Variants in BBX observed in about 807,000 individuals in gnomAD.
The protein encoded by BBX is HMG box transcription factor BBX.
In BBX, 30 loss-of-function variants were observed where a neutral mutation model predicts 100.2. That is an observed-to-expected ratio of 0.30 (90% CI 0.22 to 0.41). BBX has a LOEUF of 0.41. Ranked by LOEUF, BBX falls within the 10% of genes least tolerant of loss-of-function variation. The probability of loss-of-function intolerance (pLI) is 1.00; values close to 1 mark genes in which losing one functional copy is unlikely to be tolerated. For missense variants in BBX, 1,023 were observed against 1,129.8 expected, an observed-to-expected ratio of 0.91 and a Z score of 1.35; for synonymous variants, 376 against 388.1, an observed-to-expected ratio of 0.97 and a Z score of 0.37.
rs1576914512 is a variant in BBX, at chr3:107,808,571, T to C, written c.*3114T>C. On this transcript the variant is annotated 3_prime_UTR_variant, in exon 18 of 18. Coordinates refer to ENST00000325805, the MANE Select transcript of BBX (RefSeq NM_001142568.3). ...TTGAAGTGTGTAGAGTATATTATAG[T>C]AACTGAAGCTGCAGCTGTAAGAAGC... 1 of 152,194 alleles carries C rather than the reference T, an allele frequency of 6.6e-6. No homozygotes were observed. Among genetic ancestry groups the C allele is most frequent in the East Asian group, 1.9e-4 (1 of 5,200 alleles). The allele number at this position is 152,194 out of a possible 1,614,324, so 9.4% of individuals were successfully genotyped here. A position where few individuals can be genotyped will look rare whatever the true frequency, so the allele number is the denominator to read the frequency against.
chr3:107,661,929 G>A (rs562308319), intron 3 of BBX: 9 of 979,848 alleles, frequency 9.2e-6, no homozygotes, highest in Admixed American at 6.1e-5. Flanking sequence ...TACCAGAGGC[G>A]AATTGTTCCA....
chr3:107,759,749 C>G (rs2065749724), intron 10 of BBX, among the ~76,000 whole-genome samples: 1 of 152,146 alleles, frequency 6.6e-6, no homozygotes, highest in African/African-American at 2.4e-5. Flanking sequence ...GAACTAAAAC[C>G]TGTAAACCTT....
At chr3:107,767,234 C>T (rs1190538210) in intron 10 of BBX, among the ~76,000 whole-genome samples, 1 of 151,988 alleles carries the variant, frequency 6.6e-6, no homozygotes, top group East Asian at 1.9e-4. Context: ...GGCTCCTATG[C>T]CCCCTGCTTC....
rs148228256 is a variant in BBX, at chr3:107,602,947, T to TTTTTG, written c.-83-42858_-83-42854dup. Among the ~76,000 whole-genome samples the TTTTTG allele has an allele frequency of 3.8e-3, 579 of 151,578 alleles. 3 individuals are homozygous for TTTTTG. Among genetic ancestry groups the TTTTTG allele is most frequent in the Middle Eastern group, 6.9e-3 (2 of 290 alleles). On this transcript the variant is annotated intron_variant, in intron 2 of 17. Coordinates refer to ENST00000325805, the MANE Select transcript of BBX (RefSeq NM_001142568.3). Reference sequence around the variant, plus strand: ...GTTTAAGAGGATTGATTCCAGTGTTTTTTTGTTTTGTTTTGTTTTGTTTTG... The same window carrying TTTTTG: ...GTTTAAGAGGATTGATTCCAGTGTTTTTTTGTTTTGTTTTGTTTTGTTTTGTTTTG...
chr3:107,569,340 A>G (rs2051169120), intron 2 of BBX, among the ~76,000 whole-genome samples: 1 of 152,130 alleles, frequency 6.6e-6, no homozygotes, highest in South Asian at 2.1e-4. Context: ...TGTGTTTGGC[A>G]TATTCTTGAC....
chr3:107,807,876 T>C lies in BBX; in HGVS notation c.*2419T>C, dbSNP rs1217630365. On this transcript the variant is annotated 3_prime_UTR_variant, in exon 18 of 18. Coordinates refer to ENST00000325805, the MANE Select transcript of BBX (RefSeq NM_001142568.3). ...TTCAGATACTTTAAAACAAACCTTT[T>C]TGTAGAAATGCTTAATTTTTAAGCG... The C allele has an allele frequency of 6.6e-6, 1 of 152,168 alleles. No individual in the cohort carries two copies. The highest frequency in any genetic ancestry group is 1.9e-4 in the East Asian group (1 of 5,202). The allele number at this position is 152,168 out of a possible 1,614,324, so 9.4% of individuals were successfully genotyped here. A position where few individuals can be genotyped will look rare whatever the true frequency, so the allele number is the denominator to read the frequency against.
chr3:107,792,583 C>T (rs993108674), intron 15 of BBX, among the ~76,000 whole-genome samples: 3 of 152,144 alleles, frequency 2.0e-5, no homozygotes, highest in Admixed American at 6.5e-5. Context: ...TTACAGAAAA[C>T]GCCAGCACTA....
In BBX at chr3:107,810,230, G is replaced by A. The variant is rs1021872308; in HGVS notation, c.*4773G>A. On this transcript the variant is annotated 3_prime_UTR_variant, in exon 18 of 18. Transcript: ENST00000325805. ...TTTTTTAAAAAAAAAAAAAAAAAAG[G>A]TTCCTCTTCTGGCCAAATTTGATCT... is the stretch of plus-strand genomic sequence containing the variant. The A allele has an allele frequency of 6.7e-6, 1 of 148,196 alleles. No individual in the cohort carries two copies. Among genetic ancestry groups the A allele is most frequent in the Non-Finnish European group, 1.5e-5 (1 of 67,358 alleles). 9.2% of individuals were successfully genotyped at this position (148,196 alleles called of 1,614,324 possible). A position where few individuals can be genotyped will look rare whatever the true frequency, so the allele number is the denominator to read the frequency against.
chr3:107,639,217 G>T (rs1167706709), intron 2 of BBX, among the ~76,000 whole-genome samples: 1 of 151,948 alleles, frequency 6.6e-6, no homozygotes, highest in Admixed American at 6.6e-5. Context: ...GCAAATTATT[G>T]CCAAATTATT....
intron 2 of BBX, among the ~76,000 whole-genome samples, chr3:107,553,516 T>G (rs1348200344): frequency 6.6e-6 from 1 of 152,166 alleles, no homozygotes; most frequent in Non-Finnish European, 1.5e-5. Flanking sequence ...AAGGACAGAT[T>G]GGATGTATGA....
chr3:107,576,760 G>A (rs2051809682), intron 2 of BBX, among the ~76,000 whole-genome samples: 1 of 151,928 alleles, frequency 6.6e-6, no homozygotes, highest in Non-Finnish European at 1.5e-5. Context: ...TTTAACATTA[G>A]GGGCTTATAT....
At chr3:107,674,463 C>A (rs192941059) in intron 3 of BBX, among the ~76,000 whole-genome samples, 1 of 152,240 alleles carries the variant, frequency 6.6e-6, no homozygotes, top group Non-Finnish European at 1.5e-5. Context: ...GAAACCCTTG[C>A]GCTAGTAATG....
At chr3:107,574,524 A>G (rs944554630) in intron 2 of BBX, among the ~76,000 whole-genome samples, 1 of 152,214 alleles carries the variant, frequency 6.6e-6, no homozygotes, top group Non-Finnish European at 1.5e-5. Context: ...GGTACTCTCA[A>G]CATGTAGCTC....
intron 3 of BBX, among the ~76,000 whole-genome samples, chr3:107,647,111 T>G (rs906019230): frequency 3.3e-5 from 5 of 152,172 alleles, no homozygotes; most frequent in African/African-American, 1.2e-4. Flanking sequence ...TAATACAAAT[T>G]CTGAACTTAA....
Position 107,705,220 on chromosome 3 carries a change from C to A in BBX, c.-9-5232C>A, listed in dbSNP as rs139244512. ...TAGTCTTAATTGGACCCAGAAGAGGCCCTATTTGTGGTTAGAATATGTGGT... is the reference window on the plus strand; with the variant it reads ...TAGTCTTAATTGGACCCAGAAGAGGACCTATTTGTGGTTAGAATATGTGGT... On this transcript the variant is annotated intron_variant, in intron 3 of 17. Coordinates refer to ENST00000325805, the MANE Select transcript of BBX (RefSeq NM_001142568.3). 5.2e-3 allele frequency among the ~76,000 whole-genome samples: 789 copies of A among 152,038 alleles called. 6 individuals are homozygous for A. Among genetic ancestry groups the A allele is most frequent in the South Asian group, 0.033 (158 of 4,788 alleles).
At chr3:107,793,821 T>C (rs572301133) in intron 15 of BBX, among the ~76,000 whole-genome samples, 2 of 152,324 alleles carry the variant, frequency 1.3e-5, no homozygotes, top group South Asian at 2.1e-4. Context: ...GTGTTTTCTT[T>C]ATACTGCCCT....
chr3:107,678,584 T>A (rs2059404379), intron 3 of BBX, among the ~76,000 whole-genome samples: 1 of 151,872 alleles, frequency 6.6e-6, no homozygotes, highest in Non-Finnish European at 1.5e-5. Context: ...ATTAGCTGGG[T>A]GTGGTGGTGC....
In BBX at chr3:107,713,539, A is replaced by G. The variant is rs1395272315; in HGVS notation, c.162+2917A>G. Among the ~76,000 whole-genome samples the G allele has an allele frequency of 1.3e-5, 2 of 152,196 alleles. 1 individual carries two copies. Among genetic ancestry groups the G allele is most frequent in the East Asian group, 3.8e-4 (2 of 5,204 alleles). ...AAACTCTAAGAGCGTTTTTATTTGT[A>G]TTTTGTTATTCATGTATTTATGTAT... On this transcript the variant is annotated intron_variant, in intron 4 of 17. Coordinates refer to ENST00000325805, the MANE Select transcript of BBX (RefSeq NM_001142568.3).
At chr3:107,581,655 T>C (rs1032718027) in intron 2 of BBX, among the ~76,000 whole-genome samples, 2 of 152,178 alleles carry the variant, frequency 1.3e-5, no homozygotes, top group Non-Finnish European at 1.5e-5. Flanking sequence ...TTTTATACAC[T>C]GCTTCATACT....
Sources: allele counts gnomAD v4.1 joint callset (sites outside exome capture counted in the v4.1 genomes callset), GRCh38; gene constraint gnomAD v4.1.1; transcripts MANE v1.5; gene names NCBI Gene and HGNC (gene_info 2026-07-23, HGNC 2026-07-21).